PSTPIP2: variants seen among roughly 807,000 people sequenced by gnomAD.
The protein encoded by PSTPIP2 is proline-serine-threonine phosphatase interacting protein 2.
PSTPIP2 carries 33 observed loss-of-function variants against 63.3 expected under a neutral mutation model. The ratio of observed to expected loss-of-function variants is 0.52; its 90% CI spans 0.40 to 0.70. PSTPIP2 has a LOEUF of 0.70. Ranked by LOEUF, PSTPIP2 falls within the 30% of genes least tolerant of loss-of-function variation. PSTPIP2 has a pLI of 0.00. For missense variants in PSTPIP2, 312 were observed against 400.7 expected (o/e 0.78, Z 1.89); for synonymous variants, 125 against 132.7 (o/e 0.94, Z 0.40).
chr18:46,003,785 A>C (rs1599705685), intron 6 of PSTPIP2, among the ~76,000 whole-genome samples: 7 of 126,242 alleles, frequency 5.5e-5, no homozygotes, highest in Admixed American at 1.7e-4. Context: ...ACAGAGTTTC[A>C]CTCTTGTTGC....
At chr18:46,046,533 A>G (rs1908391652) in intron 1 of PSTPIP2, among the ~76,000 whole-genome samples, 1 of 152,104 alleles carries the variant, frequency 6.6e-6, no homozygotes, top group South Asian at 2.1e-4. Context: ...GGCAGTCTCT[A>G]CCCTTCTATA....
chr18:45,993,979 T>C (rs1387011964), intron 9 of PSTPIP2: 2 of 396,322 alleles, frequency 5.0e-6, no homozygotes, highest in East Asian at 1.1e-4. Flanking sequence ...ACTGAGTTCC[T>C]ACCGACATTT....
At chr18:45,999,262 CT>C (rs2051638287) in intron 7 of PSTPIP2, among the ~76,000 whole-genome samples, 173 bp downstream of exon 7, 1 of 152,202 alleles carries the variant, frequency 6.6e-6, no homozygotes, top group East Asian at 1.9e-4. Context: ...CGCTCTTCCC[CT>C]AACCCCCAAA....
intron 2 of PSTPIP2, chr18:46,028,554 G>C: frequency 1.4e-6 from 1 of 718,980 alleles, no homozygotes; most frequent in Non-Finnish European, 2.5e-6. Flanking sequence ...GTGGGTTCAA[G>C]GACATGAAGA....
intron 10 of PSTPIP2, 37 bp downstream of exon 10, chr18:45,993,568 T>C: frequency 6.4e-7 from 1 of 1,561,338 alleles, no homozygotes; most frequent in Non-Finnish European, 8.8e-7. Flanking sequence ...GTATCCAACA[T>C]GCACACGACA....
intron 6 of PSTPIP2, among the ~76,000 whole-genome samples, chr18:46,004,865 A>G (rs1467320969): frequency 6.6e-6 from 1 of 152,216 alleles, no homozygotes; most frequent in Non-Finnish European, 1.5e-5. Context: ...CTGGGTATAC[A>G]CCCAGAGGAA....
At chr18:46,057,954 C>T (rs1321008065) in intron 1 of PSTPIP2, among the ~76,000 whole-genome samples, 1 of 147,354 alleles carries the variant, frequency 6.8e-6, no homozygotes, top group Non-Finnish European at 1.5e-5. Flanking sequence ...GCGGAGATCG[C>T]ACCACTGCAC....
chr18:46,012,270 G>GA (rs139840804), intron 4 of PSTPIP2, among the ~76,000 whole-genome samples: 31 of 146,542 alleles, frequency 2.1e-4, no homozygotes, highest in Non-Finnish European at 2.9e-4. Flanking sequence ...CACTGTTGGG[G>GA]AAAAAAAAAA....
chr18:46,028,304 C>A, intron 2 of PSTPIP2: 1 of 461,646 alleles, frequency 2.2e-6, no homozygotes, highest in South Asian at 1.8e-5. Context: ...TAGCCCGGAA[C>A]GAGGGCGGAC....
Position 46,011,223 on chromosome 18 carries a change from CT to C in PSTPIP2, c.311del (p.Lys104ArgfsTer19). ...TTTGCTTTTCCCTGAATTCTTCCAT[CT>C]TCCTGGCCTCTTCTCTTAAACTCTG... ...LAQSLREEARKMEEFREKQKL... is the reference protein window; with the variant it reads ...LAQSLREEARXMEEFREKQKL... On this transcript the variant is annotated frameshift_variant, in exon 5 of 15. Transcript: ENST00000409746. LOFTEE classifies it high-confidence loss of function. 1.2e-6 allele frequency: 2 copies of C among 1,614,024 alleles called. No individual in the cohort carries two copies. The highest frequency in any genetic ancestry group is 1.7e-6 in the Non-Finnish European group (2 of 1,179,970).
intron 3 of PSTPIP2, among the ~76,000 whole-genome samples, chr18:46,020,609 G>A (rs1032241604): frequency 2.0e-5 from 3 of 151,984 alleles, no homozygotes; most frequent in Admixed American, 6.6e-5. Context: ...CTGAGATCAC[G>A]CCACTGCACT....
At chr18:46,021,393 A>G (rs1429966030) in intron 3 of PSTPIP2, among the ~76,000 whole-genome samples, 1 of 147,318 alleles carries the variant, frequency 6.8e-6, no homozygotes, top group African/African-American at 2.5e-5. Flanking sequence ...CAATATTGAT[A>G]TTATTTTAAA....
intron 2 of PSTPIP2, among the ~76,000 whole-genome samples, chr18:46,026,386 T>C (rs1413359606): frequency 6.6e-6 from 1 of 152,238 alleles, no homozygotes; most frequent in Non-Finnish European, 1.5e-5. Context: ...TAAGTTATCA[T>C]CCAACTTTTT....
intron 6 of PSTPIP2, among the ~76,000 whole-genome samples, chr18:46,002,692 A>G (rs2051679952): frequency 6.6e-6 from 1 of 152,160 alleles, no homozygotes; most frequent in Admixed American, 6.5e-5. Flanking sequence ...GTAGTGGCAC[A>G]TGCCTGTAAT....
Position 46,024,611 on chromosome 18 carries a change from G to C in PSTPIP2, c.210C>G (p.Ile70Met), listed in dbSNP as rs776605879. The change falls in exon 3 of 15, where the codon ATC (isoleucine) becomes ATG (methionine). Residue 70 changes from isoleucine to methionine, a missense_variant and splice_region_variant. Ile to Met is a conservative substitution (Grantham distance 10). Coordinates refer to ENST00000409746, the MANE Select transcript of PSTPIP2 (RefSeq NM_024430.4). ...SRKKPCGQSE[I>M]NTLKRALEVF... ...CCAGAAAAAAACTTGATACATACTT[G>C]ATTTCAGACTGTCCACACGGCTTCT... The C allele has an allele frequency of 6.2e-7, 1 of 1,613,396 alleles. No individual in the cohort carries two copies. The highest frequency in any genetic ancestry group is 2.2e-5 in the East Asian group (1 of 44,882).
chr18:45,999,817 A>G (rs548104434), intron 6 of PSTPIP2, among the ~76,000 whole-genome samples: 7 of 152,184 alleles, frequency 4.6e-5, no homozygotes, highest in Non-Finnish European at 1.0e-4. Context: ...TTAAAAATGG[A>G]CTGAAACGAA....
chr18:46,017,574 C>A (rs887399885), intron 3 of PSTPIP2, among the ~76,000 whole-genome samples: 2 of 151,946 alleles, frequency 1.3e-5, no homozygotes, highest in African/African-American at 2.4e-5. Flanking sequence ...TTACTTTTAA[C>A]CTCTGATTTT....
In PSTPIP2 at chr18:46,000,840, A is replaced by G. The variant is rs2051656908; in HGVS notation, c.418-1306T>C. Among the ~76,000 whole-genome samples the G allele has an allele frequency of 2.6e-5, 4 of 152,262 alleles. No homozygotes were observed. The South Asian group carries it at 8.3e-4, about 31-fold the overall frequency. On this transcript the variant is annotated intron_variant, in intron 6 of 14. Transcript: ENST00000409746. ...ACTGTGAAAGCAAAGACTTTTTTAA[A>G]CACCAAAGCTGTTTTATCTTAATTC...
chr18:46,010,295 G>C (rs774842276), intron 5 of PSTPIP2, among the ~76,000 whole-genome samples: 3 of 152,176 alleles, frequency 2.0e-5, no homozygotes, highest in Non-Finnish European at 4.4e-5. Flanking sequence ...ATAAGGAAAG[G>C]TTTCCAAAGG....
Sources: gnomAD v4.1 joint callset for allele counts (sites outside exome capture counted in the v4.1 genomes callset) on GRCh38, gnomAD v4.1.1 for gene constraint, MANE v1.5 for transcripts, NCBI Gene and HGNC (gene_info 2026-07-23, HGNC 2026-07-21) for gene names.